LRRC7: variants seen among roughly 807,000 people sequenced by gnomAD.
LRRC7 encodes leucine-rich repeat-containing protein 7.
LRRC7 carries 23 observed loss-of-function variants against 175.7 expected under a neutral mutation model. The ratio of observed to expected loss-of-function variants is 0.13; its 90% confidence interval spans 0.09 to 0.19. The LOEUF (loss-of-function observed/expected upper bound fraction) is 0.19. Ranked by LOEUF, LRRC7 falls within the 10% of genes least tolerant of loss-of-function variation. The probability of loss-of-function intolerance (pLI) is 1.00; values close to 1 mark genes in which losing one functional copy is unlikely to be tolerated. For synonymous variants in LRRC7, 685 were observed against 680.9 expected (o/e 1.01, Z -0.09); for missense variants, 1,354 against 1,904.7 (o/e 0.71, Z 5.38).
At chr1:69,856,157 A>G (rs1683590126) in intron 7 of LRRC7, among the ~76,000 whole-genome samples, 1 of 152,122 alleles carries the variant, frequency 6.6e-6, no homozygotes, top group Non-Finnish European at 1.5e-5. Flanking sequence ...TGTGAATTTG[A>G]TCCTGTCATT....
At chr1:69,846,833 GA>G (rs1158374618) in intron 7 of LRRC7, among the ~76,000 whole-genome samples, 1 of 151,894 alleles carries the variant, frequency 6.6e-6, no homozygotes, top group Non-Finnish European at 1.5e-5. Flanking sequence ...AGAAAAGATT[GA>G]CATGAGTTCT....
At chr1:69,804,325 C>A (rs970652545) in intron 4 of LRRC7, among the ~76,000 whole-genome samples, 2 of 151,338 alleles carry the variant, frequency 1.3e-5, no homozygotes, top group Non-Finnish European at 3.0e-5. Flanking sequence ...TTCTCCATTA[C>A]ATTATAAACT....
intron 1 of LRRC7, among the ~76,000 whole-genome samples, chr1:69,581,418 T>C (rs1284385719): frequency 6.6e-6 from 1 of 152,170 alleles, no homozygotes; most frequent in Non-Finnish European, 1.5e-5. Flanking sequence ...CACTGCTGAA[T>C]TGATAGTAGT....
At chr1:69,693,711 C>G (rs1337023383) in intron 2 of LRRC7, among the ~76,000 whole-genome samples, 1 of 152,258 alleles carries the variant, frequency 6.6e-6, no homozygotes, top group South Asian at 2.1e-4. Flanking sequence ...CATAGCCCAG[C>G]CAAGTTGACA....
chr1:69,849,182 C>T (rs1682702762), intron 7 of LRRC7, among the ~76,000 whole-genome samples: 1 of 151,902 alleles, frequency 6.6e-6, no homozygotes, highest in African/African-American at 2.4e-5. Context: ...GATTACAAAG[C>T]TATGAATCTT....
intron 7 of LRRC7, among the ~76,000 whole-genome samples, chr1:69,853,156 A>G (rs1683176538): frequency 6.6e-6 from 1 of 151,662 alleles, no homozygotes; most frequent in South Asian, 2.1e-4. Flanking sequence ...CGAATGATTG[A>G]TTTATGATTT....
intron 11 of LRRC7, among the ~76,000 whole-genome samples, chr1:70,010,904 G>T (rs1656445102): frequency 6.6e-6 from 1 of 152,096 alleles, no homozygotes; most frequent in South Asian, 2.1e-4. Context: ...GACTGGTAGG[G>T]ATTGTGACAA....
intron 8 of LRRC7, among the ~76,000 whole-genome samples, chr1:69,943,725 G>C (rs1238194015): frequency 6.6e-6 from 1 of 151,994 alleles, no homozygotes; most frequent in Non-Finnish European, 1.5e-5. Context: ...CATGCAAATA[G>C]GGCTTTAAAG....
chr1:69,742,869 C>G (rs560435925), intron 2 of LRRC7, among the ~76,000 whole-genome samples: 10 of 151,846 alleles, frequency 6.6e-5, no homozygotes, highest in Middle Eastern at 3.4e-3. Context: ...CTTTTGTACT[C>G]AGAACAGAAA....
intron 2 of LRRC7, among the ~76,000 whole-genome samples, chr1:69,688,251 T>C (rs1055655622): frequency 2.6e-5 from 4 of 152,206 alleles, no homozygotes; most frequent in African/African-American, 7.2e-5. Context: ...TTCATTTGTT[T>C]AGTAGATCCT....
chr1:69,643,700 C>T (rs1468075654), intron 1 of LRRC7, among the ~76,000 whole-genome samples: 1 of 152,084 alleles, frequency 6.6e-6, no homozygotes, highest in African/African-American at 2.4e-5. Context: ...TCTCTTTACT[C>T]ATCAGGCTGA....
At chr1:70,076,750 G>A (rs1297002211) in intron 24 of LRRC7, among the ~76,000 whole-genome samples, 1 of 152,162 alleles carries the variant, frequency 6.6e-6, no homozygotes, top group East Asian at 1.9e-4. Flanking sequence ...GTTGAATGGT[G>A]CAGAGATAAA....
Position 70,053,126 on chromosome 1 carries a change from C to T in LRRC7, c.4211C>T (p.Pro1404Leu), listed in dbSNP as rs1571185199. 7 of 1,608,184 alleles carry T rather than the reference C, an allele frequency of 4.4e-6. No homozygotes were observed. Among genetic ancestry groups the T allele is most frequent in the South Asian group, 1.1e-5 (1 of 89,740 alleles). ...PYPLGRRDVPPDTITKKAGSH... is the reference protein window; with the variant it reads ...PYPLGRRDVPLDTITKKAGSH... ...CCACTTGGGAGGCGGGATGTACCTC[C>T]GGACACCATTACTAAGAAGGTAACC... is the stretch of plus-strand genomic sequence containing the variant. Residue 1404 changes from proline to leucine, a missense_variant, in exon 23 of 27, where the codon CCG becomes CTG. Coordinates refer to ENST00000651989, the MANE Select transcript of LRRC7 (RefSeq NM_001370785.2).
chr1:69,744,786 T>C (rs1669079805), intron 2 of LRRC7, among the ~76,000 whole-genome samples: 1 of 151,928 alleles, frequency 6.6e-6, no homozygotes, highest in Non-Finnish European at 1.5e-5. Flanking sequence ...TGTTTTCCAC[T>C]GTCACTAATG....
At chr1:69,662,385 A>C (rs942197503) in intron 1 of LRRC7, among the ~76,000 whole-genome samples, 2 of 152,218 alleles carry the variant, frequency 1.3e-5, no homozygotes. Context: ...TTCTTTATAA[A>C]TAAAGTGAGA....
rs12070826 is a variant in LRRC7, at chr1:69,984,819, C to T, written c.787-1423C>T. Among the ~76,000 whole-genome samples the T allele has an allele frequency of 7.8e-3, 1,195 of 152,262 alleles. 14 individuals are homozygous for T. Among genetic ancestry groups the T allele is most frequent in the African/African-American group, 0.027 (1,142 of 41,540 alleles). ...AAGCATAAATCTGTTCATGTCATTCCCCATATTACAATCCTTTTGCTTTCC... is the reference window on the plus strand; with the variant it reads ...AAGCATAAATCTGTTCATGTCATTCTCCATATTACAATCCTTTTGCTTTCC... On this transcript the variant is annotated intron_variant, in intron 9 of 26. Coordinates refer to ENST00000651989, the MANE Select transcript of LRRC7 (RefSeq NM_001370785.2).
chr1:69,844,639 A>G (rs1019173634), intron 7 of LRRC7, among the ~76,000 whole-genome samples: 3 of 152,144 alleles, frequency 2.0e-5, no homozygotes, highest in Non-Finnish European at 4.4e-5. Context: ...TAATGATGCA[A>G]TGAACACGGG....
chr1:70,105,371 G>A (rs1428926523), intron 25 of LRRC7, among the ~76,000 whole-genome samples: 1 of 151,780 alleles, frequency 6.6e-6, no homozygotes, highest in East Asian at 1.9e-4. Context: ...TATAAGTAGT[G>A]CATAATCATT....
At chr1:69,694,620 G>A (rs1662325429) in intron 2 of LRRC7, among the ~76,000 whole-genome samples, 2 of 152,112 alleles carry the variant, frequency 1.3e-5, no homozygotes, top group Non-Finnish European at 2.9e-5. Flanking sequence ...AGTGGGTGGT[G>A]TTTGATTCAT....
Sources: gnomAD v4.1 joint callset for allele counts (sites outside exome capture counted in the v4.1 genomes callset) on GRCh38, gnomAD v4.1.1 for gene constraint, MANE v1.5 for transcripts, NCBI Gene and HGNC (gene_info 2026-07-23, HGNC 2026-07-21) for gene names.